BMP6: variants seen among roughly 807,000 people sequenced by gnomAD.
BMP6 encodes the protein bone morphogenetic protein 6.
Under a neutral mutation model 54.1 loss-of-function variants are expected in BMP6, and 17 were observed. That is an observed-to-expected ratio of 0.31 (90% CI 0.22 to 0.47). The LOEUF (loss-of-function observed/expected upper bound fraction) is 0.47. Among genes scored for constraint, BMP6 ranks in the 20% least tolerant of loss-of-function variants. The pLI is 1.00. For synonymous variants in BMP6, 328 were observed against 291.2 expected (o/e 1.13, Z -1.28); for missense variants, 720 against 690.4 (o/e 1.04, Z -0.48).
At chr6:7,753,557 T>C (rs865889103) in intron 1 of BMP6, among the ~76,000 whole-genome samples, 4 of 152,190 alleles carry the variant, frequency 2.6e-5, no homozygotes, top group Non-Finnish European at 5.9e-5. Flanking sequence ...CAGGGCCATC[T>C]TTGTTTCAGA....
chr6:7,870,589 G>T (rs1179387204), intron 4 of BMP6, among the ~76,000 whole-genome samples: 3 of 152,110 alleles, frequency 2.0e-5, no homozygotes, highest in African/African-American at 7.2e-5. Flanking sequence ...CCTTCCTTAG[G>T]GGAAACAGGC....
Position 7,842,138 on chromosome 6 carries a change from G to A in BMP6, c.665-3002G>A, listed in dbSNP as rs75941778. On this transcript the variant is annotated intron_variant, in intron 1 of 6. Transcript: ENST00000283147. ...CTTGTTGTGTTAGTTGCCTATTACCGTGTGACAAATCCCCCAAAACATAGT... is the reference window on the plus strand; with the variant it reads ...CTTGTTGTGTTAGTTGCCTATTACCATGTGACAAATCCCCCAAAACATAGT... 6.6e-5 allele frequency among the ~76,000 whole-genome samples: 10 copies of A among 151,508 alleles called. No homozygotes were observed. The East Asian group carries it at 1.8e-3, about 27-fold the overall frequency.
rs567656454 is a variant in BMP6 at position 7,879,848 on chromosome 6, C to G, written c.1282-143C>G. Reference sequence around the variant, plus strand: ...CCCAGCATTGCCACTTGAATGTGAACTTGGACAAATTCCTAAGCCTTCCTG... The same window carrying G: ...CCCAGCATTGCCACTTGAATGTGAAGTTGGACAAATTCCTAAGCCTTCCTG... On this transcript the variant is annotated intron_variant, in intron 5 of 6. Coordinates refer to ENST00000283147, the MANE Select transcript of BMP6 (RefSeq NM_001718.6). 371 of 858,716 alleles carry G rather than the reference C, an allele frequency of 4.3e-4. 4 individuals carry two copies. The South Asian group carries it at 5.9e-3, about 14-fold the overall frequency. 53.2% of individuals were successfully genotyped at this position (858,716 alleles called of 1,614,324 possible).
At chr6:7,771,701 TG>T (rs1169780065) in intron 1 of BMP6, among the ~76,000 whole-genome samples, 3 of 151,870 alleles carry the variant, frequency 2.0e-5, no homozygotes, top group Non-Finnish European at 4.4e-5. Context: ...CACAGGGTGG[TG>T]CAGGGCAGGC....
Position 7,861,439 on chromosome 6 carries a change from T to A in BMP6, c.858-12T>A, listed in dbSNP as rs759111751. 3.1e-6 allele frequency: 5 copies of A among 1,613,372 alleles called. No individual in the cohort carries two copies. Among genetic ancestry groups the A allele is most frequent in the Non-Finnish European group, 3.4e-6 (4 of 1,179,672 alleles). ...GTGCGCTATTTACCAGGCCATTTTTTCTTTCTTTCAGAGACTCTGACCTGT... is the reference window on the plus strand; with the variant it reads ...GTGCGCTATTTACCAGGCCATTTTTACTTTCTTTCAGAGACTCTGACCTGT... On this transcript the variant is annotated splice_polypyrimidine_tract_variant and intron_variant, in intron 2 of 6. Transcript: ENST00000283147.
Position 7,794,604 on chromosome 6 carries a change from G to GAAA in BMP6, c.665-50521_665-50519dup, listed in dbSNP as rs58889692. On this transcript the variant is annotated intron_variant, in intron 1 of 6. Coordinates refer to ENST00000283147, the MANE Select transcript of BMP6 (RefSeq NM_001718.6). ...GACAGAATGAAACCCTGTCCCAAAA[G>GAAA]AAAAAAAAAAAAAAAAAGGAGAAGA... Among the ~76,000 whole-genome samples the GAAA allele has an allele frequency of 2.0e-3, 239 of 119,220 alleles. 11 individuals are homozygous for GAAA. The East Asian group carries it at 0.031, about 16-fold the overall frequency. 78.2% of individuals were successfully genotyped at this position (119,220 alleles called of 152,430 possible).
intron 1 of BMP6, among the ~76,000 whole-genome samples, chr6:7,778,416 T>C (rs1757893790): frequency 6.6e-6 from 1 of 152,204 alleles, no homozygotes; most frequent in Non-Finnish European, 1.5e-5. Context: ...ACTGAGGTTT[T>C]AAAGAAGTTC....
rs1184099299 is a variant in BMP6, at chr6:7,845,229, A to G, written c.754A>G (p.Thr252Ala). ...LSQIPEGEVV[T>A]AAEFRIYKDC... ...CCAGATTCCTGAGGGTGAGGTGGTG[A>G]CGGCTGCAGAATTCCGCATCTACAA... Residue 252 changes from threonine to alanine, a missense_variant, in exon 2 of 7, where the codon ACG becomes GCG. Physicochemically the swap from Thr to Ala is moderately conservative, Grantham distance 58 (BLOSUM62 0). Around this residue, in one of 3 missense-constraint regions of BMP6, gnomAD observed 650 missense variants for 556.3 expected, o/e 1.17. Transcript: ENST00000283147. 3 of 1,614,122 alleles carry G rather than the reference A, an allele frequency of 1.9e-6. No homozygotes were observed. The highest frequency in any genetic ancestry group is 2.5e-6 in the Non-Finnish European group (3 of 1,179,980).
rs868027339 is a variant in BMP6 at position 7,727,108 on chromosome 6, C to T, written c.153C>T (p.Gly51=). The T allele has an allele frequency of 5.6e-6, 8 of 1,433,542 alleles. No individual in the cohort carries two copies. In the South Asian group the frequency reaches 7.3e-5, roughly 13 times the overall value. 88.8% of individuals were successfully genotyped at this position (1,433,542 alleles called of 1,614,324 possible). Residue 51 remains glycine, a synonymous_variant, in exon 1 of 7, where the codon GGC becomes GGT. Coordinates refer to ENST00000283147, the MANE Select transcript of BMP6 (RefSeq NM_001718.6). The part of the protein sequence containing the change: ...GQLLGDGGSP[G]RTEQPPPSPQ... Reference sequence around the variant, plus strand: ...TGCTGGGGGACGGCGGGAGCCCCGGCCGCACGGAGCAGCCGCCGCCGTCGC... The same window carrying T: ...TGCTGGGGGACGGCGGGAGCCCCGGTCGCACGGAGCAGCCGCCGCCGTCGC...
At chr6:7,770,783 C>T (rs893973074) in intron 1 of BMP6, among the ~76,000 whole-genome samples, 1 of 152,202 alleles carries the variant, frequency 6.6e-6, no homozygotes, top group Non-Finnish European at 1.5e-5. Flanking sequence ...ACCAGGTGAT[C>T]CCTATTATTT....
Position 7,727,141 on chromosome 6 carries a change from C to G in BMP6, c.186C>G (p.Ser62=), listed in dbSNP as rs1474870793. The change falls in exon 1 of 7, where the codon TCC becomes TCG. Residue 62 remains serine, a synonymous_variant. Transcript: ENST00000283147. ...RTEQPPPSPQ[S]SSGFLYRRLK... ...AGCAGCCGCCGCCGTCGCCGCAGTC[C>G]TCCTCGGGCTTCCTGTACCGGCGGC... 5.1e-6 allele frequency: 8 copies of G among 1,565,358 alleles called. No homozygotes were observed. The highest frequency in any genetic ancestry group is 4.7e-5 in the South Asian group (4 of 85,958).
chr6:7,772,630 T>C (rs1757806291), intron 1 of BMP6, among the ~76,000 whole-genome samples: 1 of 152,168 alleles, frequency 6.6e-6, no homozygotes, highest in African/African-American at 2.4e-5. Flanking sequence ...GGTAAAATTA[T>C]AACCAAGAGC....
intron 1 of BMP6, among the ~76,000 whole-genome samples, chr6:7,809,117 C>A (rs115404846): frequency 0.094 from 9,256 of 98,926 alleles, 354 homozygotes; most frequent in Middle Eastern, 0.15. Flanking sequence ...CACCCCCCCC[C>A]AAAAAAAAAA....
intron 1 of BMP6, among the ~76,000 whole-genome samples, chr6:7,843,025 C>T (rs898692141): frequency 1.3e-5 from 2 of 152,138 alleles, no homozygotes; most frequent in Non-Finnish European, 2.9e-5. Flanking sequence ...CACTTTTTAA[C>T]CAACGATGAT....
chr6:7,858,947 C>T (rs576380414), intron 2 of BMP6, among the ~76,000 whole-genome samples: 5 of 151,970 alleles, frequency 3.3e-5, no homozygotes, highest in South Asian at 2.1e-4. Flanking sequence ...TCTCATTGTA[C>T]GATTACAAAA....
chr6:7,739,242 C>A (rs1166405522), intron 1 of BMP6, among the ~76,000 whole-genome samples: 1 of 152,168 alleles, frequency 6.6e-6, no homozygotes, highest in Non-Finnish European at 1.5e-5. Flanking sequence ...CGGAACACAG[C>A]ACAAAGATGC....
intron 1 of BMP6, among the ~76,000 whole-genome samples, chr6:7,814,697 A>G (rs1027451487): frequency 1.3e-5 from 2 of 152,216 alleles, no homozygotes; most frequent in African/African-American, 4.8e-5. Context: ...CTGTCCCTAC[A>G]TTAAGTATGT....
At chr6:7,824,521 C>T (rs1304530459) in intron 1 of BMP6, among the ~76,000 whole-genome samples, 1 of 152,132 alleles carries the variant, frequency 6.6e-6, no homozygotes, top group African/African-American at 2.4e-5. Flanking sequence ...GGAGGGGAAG[C>T]CCTAACTGAA....
intron 4 of BMP6, among the ~76,000 whole-genome samples, chr6:7,864,010 G>GAA (rs5874117): frequency 4.7e-5 from 6 of 128,898 alleles, no homozygotes; most frequent in African/African-American, 5.6e-5. Flanking sequence ...AGACTCCATC[G>GAA]AAAAAAAAAA....
Sources: gnomAD v4.1 joint callset for allele counts (sites outside exome capture counted in the v4.1 genomes callset) on GRCh38, gnomAD v4.1.1 for gene constraint, gnomAD v4.1.1 regional missense constraint, MANE v1.5 for transcripts, NCBI Gene and HGNC (gene_info 2026-07-23, HGNC 2026-07-21) for gene names.